EIF3B: variants seen among roughly 807,000 people sequenced by gnomAD.
EIF3B encodes eukaryotic translation initiation factor 3 subunit 9.
EIF3B carries 10 observed loss-of-function variants against 104.6 expected under a neutral mutation model. That is an observed-to-expected ratio of 0.10 (90% CI 0.06 to 0.16). The LOEUF (loss-of-function observed/expected upper bound fraction) is 0.16, where lower values mean the gene tolerates loss of function less well. EIF3B is among the 10% of genes least tolerant of loss of function. EIF3B has a pLI of 1.00. For missense variants in EIF3B, 1,014 were observed against 1,087.9 expected (o/e 0.93, Z 0.96); for synonymous variants, 542 against 417.2 (o/e 1.30, Z -3.65).
Position 2,367,171 on chromosome 7 carries a change from G to T in EIF3B, c.1403+126G>T, listed in dbSNP as rs1475705379. ...TGACAGCTGAGATTTCTTTCTCCCA[G>T]TTCTGGAGCTTGGGAGCTTGAGGTC... On this transcript the variant is annotated intron_variant, in intron 9 of 18. Transcript: ENST00000360876. 6 of 944,182 alleles carry T rather than the reference G, an allele frequency of 6.4e-6. No individual in the cohort carries two copies. The Admixed American group carries it at 1.0e-4, about 16-fold the overall frequency. The allele number at this position is 944,182 out of a possible 1,614,324, so 58.5% of individuals were successfully genotyped here.
At chr7:2,358,286 G>T (rs1036290510) in intron 1 of EIF3B, among the ~76,000 whole-genome samples, 2 of 152,102 alleles carry the variant, frequency 1.3e-5, no homozygotes, top group Non-Finnish European at 2.9e-5. Flanking sequence ...GTTTTGCCTT[G>T]TTGGCCAGGC....
rs926364111 is a variant in EIF3B at position 2,379,458 on chromosome 7, C to T, written c.2406C>T (p.Phe802=). Residue 802 remains phenylalanine, a synonymous_variant, in exon 18 of 19, where the codon TTC becomes TTT. Coordinates refer to ENST00000360876, the MANE Select transcript of EIF3B (RefSeq NM_001037283.2). Reference sequence around the variant, plus strand: ...GGGAAGAGGAGACCATTGAGTTCTTCGTCACTGAAGAAATCATTCCCCTCG... The same window carrying T: ...GGGAAGAGGAGACCATTGAGTTCTTTGTCACTGAAGAAATCATTCCCCTCG... The part of the protein sequence containing the change: ...DDWEEETIEF[F]VTEEIIPLGN... 1.1e-5 allele frequency: 17 copies of T among 1,588,374 alleles called. No individual in the cohort carries two copies. Among genetic ancestry groups the T allele is most frequent in the Admixed American group, 1.8e-5 (1 of 55,896 alleles).
intron 4 of EIF3B, 62 bp from the exon 5 acceptor site, chr7:2,363,570 G>A: frequency 6.8e-7 from 1 of 1,474,556 alleles, no homozygotes; most frequent in South Asian, 1.3e-5. Flanking sequence ...AAGAGCAATA[G>A]TTGTGAATGA....
chr7:2,354,272 T>C (rs1413308703), upstream of EIF3B: 1 of 152,284 alleles, frequency 6.6e-6, no homozygotes, highest in African/African-American at 2.4e-5. Context: ...GGGCCCTCTC[T>C]GGCTCGCCCC....
Position 2,355,265 on chromosome 7 carries a change from A to G in EIF3B, c.344A>G (p.Glu115Gly), listed in dbSNP as rs907505881. 10 of 1,531,240 alleles carry G rather than the reference A, an allele frequency of 6.5e-6. No homozygotes were observed. The East Asian group carries it at 2.0e-4, about 30-fold the overall frequency. The allele number at this position is 1,531,240 out of a possible 1,614,324, so 94.9% of individuals were successfully genotyped here. ...GEAPGEQARD[E>G]RSDSRAQAVS... is the part of the protein sequence containing the mutation. ...GCCCCAGGAGAGCAGGCTCGGGACG[A>G]GCGCTCCGACAGCCGGGCCCAGGCG... The change falls in exon 1 of 19, where the codon GAG becomes GGG. Residue 115 changes from glutamate to glycine, a missense_variant. Glu to Gly is a moderately conservative substitution (Grantham distance 98). Transcript: ENST00000360876.
At chr7:2,354,499 A>C (rs898089400), upstream of EIF3B, among the ~76,000 whole-genome samples, 3 of 152,082 alleles carry the variant, frequency 2.0e-5, no homozygotes, top group South Asian at 6.2e-4. Flanking sequence ...CGGGTACTAA[A>C]ATCATTTCTT....
chr7:2,358,212 T>C (rs1779555227), intron 1 of EIF3B, among the ~76,000 whole-genome samples: 2 of 152,138 alleles, frequency 1.3e-5, no homozygotes, highest in Admixed American at 1.3e-4. Context: ...GCCTCCCAAG[T>C]AGCTGGGATT....
intron 10 of EIF3B, 72 bp downstream of exon 10, chr7:2,369,754 G>T: frequency 9.5e-7 from 1 of 1,056,270 alleles, no homozygotes; most frequent in East Asian, 2.5e-5. Flanking sequence ...TTGTTTGGAG[G>T]GTGTTAATGG....
chr7:2,375,718 G>A (rs1780595181), intron 14 of EIF3B, among the ~76,000 whole-genome samples, 191 bp downstream of exon 14: 1 of 152,176 alleles, frequency 6.6e-6, no homozygotes, highest in African/African-American at 2.4e-5. Context: ...CCGAGTGCAG[G>A]AGCAGCCCCT....
At position 2,363,747 on chromosome 7, in the gene EIF3B, T is replaced by A; in HGVS notation, c.986T>A (p.Ile329Asn). 1.9e-6 allele frequency: 3 copies of A among 1,613,698 alleles called. No individual in the cohort carries two copies. The highest frequency in any genetic ancestry group is 2.2e-5 in the East Asian group (1 of 44,864). ...FWNDVKDPVS[I>N]EERARWTETY... ...AATGACGTAAAAGACCCTGTCTCAA[T>A]TGAAGAAAGAGCGGTGTGTATTTGC... Residue 329 changes from isoleucine (I) to asparagine (N), a missense_variant, in exon 5 of 19, where the codon ATT becomes AAT. Ile to Asn is a moderately radical substitution (Grantham distance 149). Around this residue, in one of 4 missense-constraint regions of EIF3B, gnomAD observed 201 missense variants for 240.7 expected, o/e 0.83. Transcript: ENST00000360876.
chr7:2,365,093 C>T (rs1265133869), intron 6 of EIF3B, among the ~76,000 whole-genome samples: 1 of 152,238 alleles, frequency 6.6e-6, no homozygotes, highest in Non-Finnish European at 1.5e-5. Context: ...GCGGGGACCG[C>T]AGGCACACGC....
At chr7:2,366,700 C>G (rs922429370) in intron 8 of EIF3B, 109 bp downstream of exon 8, 2 of 1,277,974 alleles carry the variant, frequency 1.6e-6, no homozygotes, top group Non-Finnish European at 2.2e-6. Flanking sequence ...TTCACAGATG[C>G]ATAGGAAAGG....
chr7:2,363,371 A>T (rs577429018), intron 4 of EIF3B, among the ~76,000 whole-genome samples: 1 of 151,568 alleles, frequency 6.6e-6, no homozygotes, highest in South Asian at 2.1e-4. Flanking sequence ...AGGGGGGAGG[A>T]TCACTTGAGC....
chr7:2,357,528 CT>C (rs1029137631), intron 1 of EIF3B, among the ~76,000 whole-genome samples: 2 of 152,210 alleles, frequency 1.3e-5, no homozygotes, highest in South Asian at 2.1e-4. Context: ...TGCTTTATTA[CT>C]TTTTTGGTAC....
At chr7:2,365,671 G>GT (rs1436210560) in intron 6 of EIF3B, among the ~76,000 whole-genome samples, 125 of 108,964 alleles carry the variant, frequency 1.1e-3, no homozygotes, top group African/African-American at 5.5e-3. Context: ...TTGTTTGTTT[G>GT]TTTGTTTTGT....
At chr7:2,377,344 T>C (rs1283053570) in intron 15 of EIF3B, among the ~76,000 whole-genome samples, 1 of 152,240 alleles carries the variant, frequency 6.6e-6, no homozygotes, top group Admixed American at 6.5e-5. Flanking sequence ...TAAAAAGTCC[T>C]GCTGGGATTA....
rs139290046 is a variant in EIF3B at position 2,378,579 on chromosome 7, T to C, written c.2155-110T>C. 11 of 910,984 alleles carry C rather than the reference T, an allele frequency of 1.2e-5. No individual in the cohort carries two copies. In the East Asian group the frequency reaches 1.3e-4, roughly 11 times the overall value. The allele number at this position is 910,984 out of a possible 1,614,324, so 56.4% of individuals were successfully genotyped here. ...GAGCATGCGAGCGCTCCTGGGAAGC[T>C]GTGTTCTGTGAATGGCTTTGGGTGT... On this transcript the variant is annotated intron_variant, in intron 15 of 18. Transcript: ENST00000360876.
At chr7:2,373,060 T>C (rs1780444815) in intron 12 of EIF3B, 1 of 302,428 alleles carries the variant, frequency 3.3e-6, no homozygotes, top group African/African-American at 2.2e-5. Flanking sequence ...TCATCTCAAG[T>C]GAAGCTTTTT....
chr7:2,369,881 A>G (rs529438405), intron 10 of EIF3B, among the ~76,000 whole-genome samples, 199 bp downstream of exon 10: 1 of 131,856 alleles, frequency 7.6e-6, no homozygotes, highest in African/African-American at 2.9e-5. Context: ...GTTTCAAATG[A>G]TTCTTCTGCC....
Sources: gnomAD v4.1 joint callset for allele counts (sites outside exome capture counted in the v4.1 genomes callset) on GRCh38, gnomAD v4.1.1 for gene constraint, gnomAD v4.1.1 regional missense constraint, MANE v1.5 for transcripts, NCBI Gene and HGNC (gene_info 2026-07-23, HGNC 2026-07-21) for gene names.